Variants in PCDHGC5 observed in about 807,000 individuals in gnomAD.
The protein encoded by PCDHGC5 is protocadherin gamma subfamily C, 5.
A neutral mutation model predicts 59.0 loss-of-function variants in PCDHGC5; 25 were observed. The ratio of observed to expected loss-of-function variants is 0.42; its 90% CI spans 0.31 to 0.59. The LOEUF (loss-of-function observed/expected upper bound fraction) is 0.59. Ranked by LOEUF, PCDHGC5 falls within the 20% of genes least tolerant of loss-of-function variation. The pLI is 0.13. For synonymous variants in PCDHGC5, 434 were observed against 505.5 expected (o/e 0.86, Z 1.90); for missense variants, 1,067 against 1,206.4 (o/e 0.88, Z 1.71).
chr5:141,502,655 C>T (rs72790073), intron 2 of PCDHGC5, among the ~76,000 whole-genome samples: 29,437 of 152,034 alleles, frequency 0.19, 2,877 homozygotes, highest in Middle Eastern at 0.24. Context: ...AGGCAGCAAC[C>T]CTTCATGCAA....
chr5:141,512,068 C>T lies in PCDHGC5; in HGVS notation c.*895C>T, dbSNP rs1215311369. 6.6e-6 allele frequency: 1 copy of T among 152,664 alleles called. No individual in the cohort carries two copies. The highest frequency in any genetic ancestry group is 1.5e-5 in the Non-Finnish European group (1 of 68,066). The allele number at this position is 152,664 out of a possible 1,614,324, so 9.5% of individuals were successfully genotyped here. On this transcript the variant is annotated 3_prime_UTR_variant, in exon 4 of 4. Transcript: ENST00000252087. The stretch of plus-strand genomic sequence containing the variant: ...TCCTCAGGGGACTGACAACATCCTC[C>T]AGATTCCAGCCATAAACCAATAACT...
intron 2 of PCDHGC5, among the ~76,000 whole-genome samples, chr5:141,496,839 AG>A (rs2099771805): frequency 1.3e-5 from 2 of 151,484 alleles, no homozygotes; most frequent in African/African-American, 4.9e-5. Context: ...CAGAACTCAT[AG>A]GCTTCCAGAC....
intron 2 of PCDHGC5, among the ~76,000 whole-genome samples, chr5:141,503,994 A>C (rs1330628079): frequency 6.6e-6 from 1 of 152,158 alleles, no homozygotes; most frequent in Non-Finnish European, 1.5e-5. Context: ...CTTACCTTAC[A>C]GTCACTTAAC....
Position 141,512,495 on chromosome 5 carries a change from C to T in PCDHGC5, c.*1322C>T, listed in dbSNP as rs2099884264. 1 of 152,920 alleles carries T rather than the reference C, an allele frequency of 6.5e-6. No homozygotes were observed. The highest frequency in any genetic ancestry group is 1.5e-5 in the Non-Finnish European group (1 of 68,240). The allele number at this position is 152,920 out of a possible 1,614,324, so 9.5% of individuals were successfully genotyped here. A position where few individuals can be genotyped will look rare whatever the true frequency, so the allele number is the denominator to read the frequency against. On this transcript the variant is annotated 3_prime_UTR_variant, in exon 4 of 4. Coordinates refer to ENST00000252087, the MANE Select transcript of PCDHGC5 (RefSeq NM_018929.3). ...TTCCGTGAAGGCCACTGCCCAGGTCCCCAGTGCGCCCCCTAGTGGCCATAG... is the reference window on the plus strand; with the variant it reads ...TTCCGTGAAGGCCACTGCCCAGGTCTCCAGTGCGCCCCCTAGTGGCCATAG...
intron 3 of PCDHGC5, chr5:141,507,313 T>TAC (rs1554192306): frequency 6.7e-6 from 1 of 150,168 alleles, no homozygotes. Context: ...CATAATGTAC[T>TAC]AAAAAAAAAA....
intron 2 of PCDHGC5, among the ~76,000 whole-genome samples, chr5:141,495,262 A>G (rs550950979): frequency 1.3e-5 from 2 of 152,246 alleles, no homozygotes; most frequent in South Asian, 2.1e-4. Flanking sequence ...GCAGAAAAGC[A>G]TTTGACCGGA....
Position 141,491,048 on chromosome 5 carries a change from C to T in PCDHGC5, c.1808C>T (p.Ala603Val), listed in dbSNP as rs755163825. The T allele has an allele frequency of 7.4e-6, 12 of 1,613,948 alleles. No individual in the cohort carries two copies. Among genetic ancestry groups the T allele is most frequent in the South Asian group, 4.4e-5 (4 of 91,090 alleles). ...GTGGATGCTGATGCAGGCCACAATG[C>T]GTGGCTCTCCTACTCACTGTTGCCA... ...TAVDADAGHN[A>V]WLSYSLLPQS... Residue 603 changes from alanine to valine, a missense_variant, in exon 1 of 4, where the codon GCG (alanine) becomes GTG (valine). By Grantham distance (64) the Ala-to-Val change is moderately conservative. Coordinates refer to ENST00000252087, the MANE Select transcript of PCDHGC5 (RefSeq NM_018929.3). The surrounding 1 kb of genome is among the most constrained non-coding windows in gnomAD (Gnocchi z 6.9).
chr5:141,499,881 T>A (rs2099795027), intron 2 of PCDHGC5, among the ~76,000 whole-genome samples: 1 of 152,082 alleles, frequency 6.6e-6, no homozygotes, highest in African/African-American at 2.4e-5. Flanking sequence ...ACAAACAGGG[T>A]TTCGCCATGT....
intron 3 of PCDHGC5, among the ~76,000 whole-genome samples, chr5:141,506,038 G>C (rs2099850248): frequency 6.6e-6 from 1 of 152,174 alleles, no homozygotes; most frequent in South Asian, 2.1e-4. Context: ...GTAGGATTCT[G>C]GTTTTCCCAT....
intron 2 of PCDHGC5, among the ~76,000 whole-genome samples, chr5:141,496,486 C>T (rs186488143): frequency 1.3e-5 from 2 of 152,322 alleles, no homozygotes; most frequent in East Asian, 3.9e-4. Flanking sequence ...CTGCAACCAA[C>T]CAAACCCTTG....
In PCDHGC5 at chr5:141,491,771, G is replaced by C. The variant is rs760915700; in HGVS notation, c.2460+71G>C. ...GGAGAAGCCGCCCGTCCTCATAAGG[G>C]ATTGAACTTGCATCCACTCCTCTCC... On this transcript the variant is annotated intron_variant, in intron 1 of 3. Coordinates refer to ENST00000252087, the MANE Select transcript of PCDHGC5 (RefSeq NM_018929.3). The surrounding 1 kb of genome is among the most constrained non-coding windows in gnomAD (Gnocchi z 6.9). 6.4e-7 allele frequency: 1 copy of C among 1,558,290 alleles called. No individual in the cohort carries two copies. Among genetic ancestry groups the C allele is most frequent in the Non-Finnish European group, 8.7e-7 (1 of 1,153,586 alleles).
intron 2 of PCDHGC5, among the ~76,000 whole-genome samples, chr5:141,496,775 GCAGGGCC>G (rs1025427712): frequency 6.6e-6 from 1 of 152,038 alleles, no homozygotes; most frequent in Non-Finnish European, 1.5e-5. Flanking sequence ...TCTACTATGA[GCAGGGCC>G]CTGTGCTAAA....
intron 2 of PCDHGC5, among the ~76,000 whole-genome samples, chr5:141,502,408 G>A (rs1197275813): frequency 6.6e-6 from 1 of 151,782 alleles, no homozygotes; most frequent in Non-Finnish European, 1.5e-5. Context: ...CCCGAACCTG[G>A]ATTTGCTGGC....
At chr5:141,499,835 C>T (rs931946377) in intron 2 of PCDHGC5, among the ~76,000 whole-genome samples, 2 of 151,916 alleles carry the variant, frequency 1.3e-5, no homozygotes, top group Admixed American at 6.6e-5. Flanking sequence ...TACAGGTGTG[C>T]ACCACCACAC....
Position 141,490,705 on chromosome 5 carries a change from C to T in PCDHGC5, c.1465C>T (p.Leu489Phe). 1 of 1,614,194 alleles carries T rather than the reference C, an allele frequency of 6.2e-7. No individual in the cohort carries two copies. Among genetic ancestry groups the T allele is most frequent in the South Asian group, 1.1e-5 (1 of 91,082 alleles). Residue 489 changes from leucine to phenylalanine, a missense_variant, in exon 1 of 4, where the codon CTC becomes TTC. By Grantham distance (22) the Leu-to-Phe change is conservative. Coordinates refer to ENST00000252087, the MANE Select transcript of PCDHGC5 (RefSeq NM_018929.3). This position sits in a 1 kb window ranked among gnomAD's most constrained non-coding sequence, Gnocchi z 5.4. ...TCCAGACACTGGGGATAATGCCCGC[C>T]TCACCTACTCCATTGTAGGAAATCA... ...SDPDTGDNAR[L>F]TYSIVGNQVQ...
chr5:141,512,866 AC>A lies in PCDHGC5; in HGVS notation c.*1694del. Reference sequence around the variant, plus strand: ...TATAAGCGCTTCTCTTCGCATAGTCACGTAGCTCCCACCCCACCCTCTTCCT... The same window carrying A: ...TATAAGCGCTTCTCTTCGCATAGTCAGTAGCTCCCACCCCACCCTCTTCCT... On this transcript the variant is annotated 3_prime_UTR_variant, in exon 4 of 4. Transcript: ENST00000252087. 1 of 152,098 alleles carries A rather than the reference AC, an allele frequency of 6.6e-6. No homozygotes were observed. Among genetic ancestry groups the A allele is most frequent in the Non-Finnish European group, 1.5e-5 (1 of 68,034 alleles). 9.4% of individuals were successfully genotyped at this position (152,098 alleles called of 1,614,324 possible).
Position 141,489,384 on chromosome 5 carries a change from T to C in PCDHGC5, c.144T>C (p.Val48=), listed in dbSNP as rs2099686499. The stretch of plus-strand genomic sequence containing the variant: ...AGCCGGGGACGCTGGTGGGGAATGT[T>C]GCTCAGGATCTGGGCTTAAAGATGA... ...ESEPGTLVGN[V]AQDLGLKMTD... The change falls in exon 1 of 4, where the codon GTT becomes GTC. Residue 48 remains valine (V), a synonymous_variant. Transcript: ENST00000252087. The surrounding 1 kb of genome is among the most constrained non-coding windows in gnomAD (Gnocchi z 4.5). 1 of 1,613,986 alleles carries C rather than the reference T, an allele frequency of 6.2e-7. No individual in the cohort carries two copies. The highest frequency in any genetic ancestry group is 8.5e-7 in the Non-Finnish European group (1 of 1,179,842).
At chr5:141,500,721 ATG>A (rs1209024560) in intron 2 of PCDHGC5, among the ~76,000 whole-genome samples, 1 of 152,088 alleles carries the variant, frequency 6.6e-6, no homozygotes, top group African/African-American at 2.4e-5. Context: ...GAATTTCCCC[ATG>A]TCTTTCAAAA....
At chr5:141,497,464 T>C (rs1277760390) in intron 2 of PCDHGC5, among the ~76,000 whole-genome samples, 1 of 151,764 alleles carries the variant, frequency 6.6e-6, no homozygotes, top group Admixed American at 6.6e-5. Context: ...CTTGGAGATA[T>C]GGAGGAGAAG....
Sources: allele counts gnomAD v4.1 joint callset (sites outside exome capture counted in the v4.1 genomes callset), GRCh38; gene constraint gnomAD v4.1.1; non-coding constraint Gnocchi (gnomAD v3.1); transcripts MANE v1.5; gene names NCBI Gene and HGNC (gene_info 2026-07-23, HGNC 2026-07-21).